The following ASPH variants were observed in gnomAD, a reference collection of about 807,000 sequenced individuals.
The protein encoded by ASPH is aspartyl/asparaginyl beta-hydroxylase.
In ASPH, 100 loss-of-function variants were observed where a neutral mutation model predicts 118.4. That is an observed-to-expected ratio of 0.84 (90% CI 0.72 to 1.00). ASPH has a LOEUF of 1.00. ASPH is among the 50% of genes least tolerant of loss of function. The pLI, the probability that ASPH is intolerant of heterozygous loss-of-function variation, is 0.00. For synonymous variants in ASPH, 315 were observed against 325.6 expected (o/e 0.97, Z 0.35); for missense variants, 920 against 919.5 (o/e 1.00, Z -0.01).
At chr8:61,645,295 A>G (rs4146312) in intron 6 of ASPH, among the ~76,000 whole-genome samples, 128,491 of 152,212 alleles carry the variant, frequency 0.84, 54,461 homozygotes, top group African/African-American at 0.91. Flanking sequence ...GAACTTCTTA[A>G]AAGTGTTTCT....
rs563716731 is a variant in ASPH, at chr8:61,541,118, T to C, written c.1764+6953A>G. On this transcript the variant is annotated intron_variant, in intron 21 of 24. Coordinates refer to ENST00000379454, the MANE Select transcript of ASPH (RefSeq NM_004318.4). The stretch of plus-strand genomic sequence containing the variant: ...ACTAAAAAATACAAAAAATTAGAGT[T>C]AAGGCAATATAATGGTTTTGTATTT... 2.6e-5 allele frequency among the ~76,000 whole-genome samples: 4 copies of C among 152,076 alleles called. No individual in the cohort carries two copies. The East Asian group carries it at 7.7e-4, about 29-fold the overall frequency.
chr8:61,683,365 G>GT, intron 2 of ASPH, among the ~76,000 whole-genome samples: 1 of 151,972 alleles, frequency 6.6e-6, no homozygotes, highest in Non-Finnish European at 1.5e-5. Flanking sequence ...GAAGGAGAAT[G>GT]TGACTCCAAA....
At chr8:61,553,247 T>A (rs1213072368) in intron 19 of ASPH, 127 bp from the exon 20 acceptor site, 40 of 673,086 alleles carry the variant, frequency 5.9e-5, no homozygotes, top group Non-Finnish European at 9.1e-5. Flanking sequence ...ATCTCCATAT[T>A]AAACTTTGGG....
At chr8:61,592,962 C>T (rs1234976783) in intron 14 of ASPH, among the ~76,000 whole-genome samples, 2 of 152,110 alleles carry the variant, frequency 1.3e-5, no homozygotes, top group Admixed American at 6.5e-5. Flanking sequence ...TTTGATGAAA[C>T]GTTATCTGCT....
intron 14 of ASPH, among the ~76,000 whole-genome samples, chr8:61,614,569 T>C (rs981178948): frequency 6.6e-6 from 1 of 152,164 alleles, no homozygotes; most frequent in Admixed American, 6.5e-5. Context: ...CACTGCAGCA[T>C]CGATCCTCCT....
chr8:61,679,397 G>A (rs994117233), intron 3 of ASPH, among the ~76,000 whole-genome samples: 5 of 152,018 alleles, frequency 3.3e-5, no homozygotes, highest in Admixed American at 3.3e-4. Flanking sequence ...TTAATGGTAG[G>A]TTAAAAAACT....
At chr8:61,549,444 A>AG (rs1179636959) in intron 20 of ASPH, among the ~76,000 whole-genome samples, 1 of 152,186 alleles carries the variant, frequency 6.6e-6, no homozygotes, top group African/African-American at 2.4e-5. Context: ...CCTCCTATTT[A>AG]TATCATTTAG....
intron 6 of ASPH, among the ~76,000 whole-genome samples, chr8:61,645,740 C>A (rs1807600065): frequency 6.6e-6 from 1 of 152,182 alleles, no homozygotes; most frequent in Non-Finnish European, 1.5e-5. Context: ...TGGGAAAGTG[C>A]ATTTCCTGTT....
chr8:61,708,365 A>G (rs1014038847), intron 1 of ASPH, among the ~76,000 whole-genome samples: 3 of 152,244 alleles, frequency 2.0e-5, no homozygotes, highest in African/African-American at 4.8e-5. Context: ...TAAATGCTAG[A>G]TATTCTTTCA....
chr8:61,643,572 G>A, intron 8 of ASPH, 139 bp from the exon 9 acceptor site: 1 of 838,222 alleles, frequency 1.2e-6, no homozygotes, highest in Non-Finnish European at 1.8e-6. Context: ...TAAAATTTAA[G>A]CTGAATAACG....
intron 21 of ASPH, among the ~76,000 whole-genome samples, chr8:61,540,330 G>A (rs1179721773): frequency 2.0e-5 from 3 of 152,080 alleles, no homozygotes; most frequent in East Asian, 1.9e-4. Flanking sequence ...CAGTACCATC[G>A]CTCTTGGTAC....
chr8:61,714,232 G>T, intron 1 of ASPH, 37 bp downstream of exon 1: 1 of 1,443,676 alleles, frequency 6.9e-7, no homozygotes, highest in Non-Finnish European at 9.1e-7. Context: ...CTACCCCGAG[G>T]CGAGGCCCCA....
chr8:61,539,699 GGTGT>G (rs10522481), intron 21 of ASPH, among the ~76,000 whole-genome samples: 5,098 of 124,238 alleles, frequency 0.041, 266 homozygotes, highest in African/African-American at 0.12. Flanking sequence ...ACACTTCTGG[GGTGT>G]GTGTGTGTGT....
At chr8:61,643,687 T>C (rs1256711538) in intron 8 of ASPH, among the ~76,000 whole-genome samples, 1 of 152,244 alleles carries the variant, frequency 6.6e-6, no homozygotes, top group Non-Finnish European at 1.5e-5. Context: ...AATTTTCAAA[T>C]ATTCTTTCCA....
intron 1 of ASPH, among the ~76,000 whole-genome samples, chr8:61,709,305 T>C (rs917220956): frequency 6.6e-6 from 1 of 151,988 alleles, no homozygotes; most frequent in South Asian, 2.1e-4. Flanking sequence ...GAAAATACCA[T>C]CTTGGCTCCC....
intron 1 of ASPH, among the ~76,000 whole-genome samples, chr8:61,686,834 G>C (rs544245404): frequency 6.6e-6 from 1 of 152,206 alleles, no homozygotes; most frequent in African/African-American, 2.4e-5. Flanking sequence ...TTCTGTAGCT[G>C]ATACCAGTCT....
At chr8:61,666,019 G>A (rs901543443) in intron 3 of ASPH, among the ~76,000 whole-genome samples, 1 of 152,070 alleles carries the variant, frequency 6.6e-6, no homozygotes, top group Non-Finnish European at 1.5e-5. Flanking sequence ...AATTTAAAAT[G>A]TTTAGCTCAA....
chr8:61,687,567 T>C (rs1178030933), intron 1 of ASPH: 1 of 152,166 alleles, frequency 6.6e-6, no homozygotes, highest in African/African-American at 2.4e-5. Context: ...CACAGATCTC[T>C]CAGCAAGAGC....
chr8:61,568,550 A>G (rs1832521335), intron 16 of ASPH, among the ~76,000 whole-genome samples: 1 of 152,180 alleles, frequency 6.6e-6, no homozygotes, highest in Non-Finnish European at 1.5e-5. Flanking sequence ...AAGATATCCA[A>G]ATGGAGTTAC....
Sources: allele counts gnomAD v4.1 joint callset (sites outside exome capture counted in the v4.1 genomes callset), GRCh38; gene constraint gnomAD v4.1.1; transcripts MANE v1.5; gene names NCBI Gene and HGNC (gene_info 2026-07-23, HGNC 2026-07-21).